AMOT: variants seen among roughly 807,000 people sequenced by gnomAD.
AMOT encodes angiomotin.
In AMOT, 11 loss-of-function variants were observed where a neutral mutation model predicts 67.0. That is an observed-to-expected ratio of 0.16 (90% CI 0.10 to 0.27). AMOT has a LOEUF of 0.27. Among genes scored for constraint, AMOT ranks in the 10% least tolerant of loss-of-function variants. AMOT has a pLI of 1.00. For missense variants in AMOT, 753 were observed against 852.0 expected, an observed-to-expected ratio of 0.88 and a Z score of 1.45; for synonymous variants, 326 against 321.4, an observed-to-expected ratio of 1.01 and a Z score of -0.15.
chrX:112,803,500 C>T (rs1004506868), intron 8 of AMOT, among the ~76,000 whole-genome samples: 4 of 112,208 alleles, frequency 3.6e-5, no homozygotes, highest in African/African-American at 1.3e-4. Flanking sequence ...TTCTGTTGAG[C>T]AACTTAGCAT....
rs917350983 is a variant in AMOT, at chrX:112,813,644, C to A, written c.1392+1714G>T. 3.6e-5 allele frequency among the ~76,000 whole-genome samples: 4 copies of A among 110,853 alleles called. No individual in the cohort carries two copies. The South Asian group carries it at 1.2e-3, about 32-fold the overall frequency. The stretch of plus-strand genomic sequence containing the variant: ...CTGGCTGAACCCACTCCCACACACA[C>A]AAAAAATCACCATGGATCCTCTGGC... On this transcript the variant is annotated intron_variant, in intron 5 of 13. Coordinates refer to ENST00000371959, the MANE Select transcript of AMOT (RefSeq NM_001113490.2).
intron 2 of AMOT, among the ~76,000 whole-genome samples, chrX:112,825,652 G>C (rs1934824211): frequency 9.0e-6 from 1 of 110,698 alleles, no homozygotes; most frequent in Non-Finnish European, 1.9e-5. Flanking sequence ...TCATAAGGTA[G>C]GTTTTTGGTC....
chrX:112,815,347 G>A lies in AMOT; in HGVS notation c.1392+11C>T, dbSNP rs369854618. 5.9e-5 allele frequency: 70 copies of A among 1,195,531 alleles called. No homozygotes were observed. The highest frequency in any genetic ancestry group is 3.4e-4 in the African/African-American group (19 of 56,575). On this transcript the variant is annotated intron_variant, in intron 5 of 13. Transcript: ENST00000371959. ...CTTAGAGACCCTAATATCCCAAAAC[G>A]GAAGCCTCACCTTCTGCAGTCTTGC...
At chrX:112,830,028 T>G (rs1480343959) in intron 2 of AMOT, among the ~76,000 whole-genome samples, 2 of 112,105 alleles carry the variant, frequency 1.8e-5, no homozygotes, top group African/African-American at 3.2e-5. Context: ...TTGACCAATC[T>G]TTAACCGCCA....
intron 8 of AMOT, among the ~76,000 whole-genome samples, chrX:112,800,830 C>T (rs910983507): frequency 8.9e-6 from 1 of 111,974 alleles, no homozygotes; most frequent in Non-Finnish European, 1.9e-5. Context: ...GCACTGGCTA[C>T]TCCAATACGA....
At chrX:112,839,542 C>T (rs1353104507) in intron 1 of AMOT, among the ~76,000 whole-genome samples, 1 of 111,728 alleles carries the variant, frequency 9.0e-6, no homozygotes, top group East Asian at 2.8e-4. Context: ...ACTAAACATC[C>T]CAGGTTGTTG....
rs954875173 is a variant in AMOT at position 112,775,522 on chromosome X, G to C, written c.*3045C>G. ...CAGTGTAACAACAAAAAGAGAACAT[G>C]ATGGGTCTCTGGGTATCTTTCCTAT... On this transcript the variant is annotated 3_prime_UTR_variant, in exon 14 of 14. Transcript: ENST00000371959. 8.0e-5 allele frequency: 9 copies of C among 112,156 alleles called. No individual in the cohort carries two copies. Among genetic ancestry groups the C allele is most frequent in the Non-Finnish European group, 1.7e-4 (9 of 53,174 alleles). 9.2% of individuals were successfully genotyped at this position (112,156 alleles called of 1,213,427 possible).
chrX:112,828,094 C>T (rs1208612833), intron 2 of AMOT, among the ~76,000 whole-genome samples: 2 of 111,241 alleles, frequency 1.8e-5, no homozygotes, highest in Non-Finnish European at 3.8e-5. Flanking sequence ...CTTATGTTCT[C>T]TCAGGTTGGT....
chrX:112,833,079 T>C (rs1257738828), intron 1 of AMOT, among the ~76,000 whole-genome samples: 1 of 111,533 alleles, frequency 9.0e-6, no homozygotes, highest in African/African-American at 3.3e-5. Flanking sequence ...CAGCTAACTT[T>C]CTTATTTGCA....
At chrX:112,796,674 A>T (rs1468380765) in intron 8 of AMOT, among the ~76,000 whole-genome samples, 1 of 111,278 alleles carries the variant, frequency 9.0e-6, no homozygotes, top group Admixed American at 9.6e-5. Flanking sequence ...CCCTAACCCT[A>T]CCCTGACTCC....
At chrX:112,839,743 A>AT (rs1935241979) in intron 1 of AMOT, among the ~76,000 whole-genome samples, 1 of 110,481 alleles carries the variant, frequency 9.1e-6, no homozygotes. Flanking sequence ...CTTTCTCTTC[A>AT]TTTTCACAAA....
Position 112,780,910 on chromosome X carries a change from C to G in AMOT, c.2449G>C (p.Asp817His). The change falls in exon 12 of 14, where the codon GAC (aspartate) becomes CAC (histidine). Residue 817 changes from aspartate (D) to histidine (H), a missense_variant. By Grantham distance (81) the Asp-to-His change is moderately conservative. This residue lies in a region of AMOT where 269 missense variants were observed against 300.9 expected (regional missense o/e 0.89). Transcript: ENST00000371959. ...GSPIMEEKRDDKSWKGSLGIL... is the reference protein window; with the variant it reads ...GSPIMEEKRDHKSWKGSLGIL... Reference sequence around the variant, plus strand: ...CCTAGGCTCCCCTTCCAGCTCTTGTCGTCTCGCTTTTCTTCCATGATGGGG... The same window carrying G: ...CCTAGGCTCCCCTTCCAGCTCTTGTGGTCTCGCTTTTCTTCCATGATGGGG... The G allele has an allele frequency of 8.3e-7, 1 of 1,211,532 alleles. No individual in the cohort carries two copies. The highest frequency in any genetic ancestry group is 1.8e-5 in the South Asian group (1 of 56,983).
At position 112,778,639 on chromosome X, in the gene AMOT, A is replaced by T. The variant is rs374933282; in HGVS notation, c.3183T>A (p.Thr1061=). The change falls in exon 14 of 14, where the codon ACT becomes ACA. Residue 1061 remains threonine, a synonymous_variant. Coordinates refer to ENST00000371959, the MANE Select transcript of AMOT (RefSeq NM_001113490.2). ...TCTGAATGGGAGTTTTTCTTTCCAG[A>T]GTATTGGAGTGGAACACAGGCCCAT... ...KTDGPVFHSN[T]LERKTPIQIL... The T allele has an allele frequency of 1.7e-6, 2 of 1,202,015 alleles. No individual in the cohort carries two copies. The highest frequency in any genetic ancestry group is 3.5e-5 in the African/African-American group (2 of 57,073).
chrX:112,819,652 C>G (rs183732807), intron 4 of AMOT, among the ~76,000 whole-genome samples: 1 of 112,347 alleles, frequency 8.9e-6, no homozygotes, highest in Non-Finnish European at 1.9e-5. Context: ...ATTCAGATAG[C>G]CTTTGCCTTG....
chrX:112,815,254 A>G, intron 5 of AMOT, 104 bp downstream of exon 5: 2 of 1,033,485 alleles, frequency 1.9e-6, no homozygotes, highest in Non-Finnish European at 2.6e-6. Flanking sequence ...AAGACCTGCC[A>G]CAAGTAATGC....
At chrX:112,792,090 T>C in intron 8 of AMOT, 109 bp from the exon 9 acceptor site, 3 of 952,232 alleles carry the variant, frequency 3.2e-6, no homozygotes, top group South Asian at 4.7e-5. Flanking sequence ...CTTCTTGTTT[T>C]AGAGTCCAGC....
chrX:112,807,444 G>C (rs145220813), intron 7 of AMOT, among the ~76,000 whole-genome samples: 2,849 of 110,225 alleles, frequency 0.026, 38 homozygotes, highest in Non-Finnish European at 0.039. Flanking sequence ...AGTTTGAAAA[G>C]ACAGGGCAAG....
chrX:112,831,327 C>G (rs1934978524), intron 2 of AMOT, among the ~76,000 whole-genome samples: 1 of 110,215 alleles, frequency 9.1e-6, no homozygotes, highest in South Asian at 3.8e-4. Flanking sequence ...CTGACCTCAA[C>G]TCTGCTCAAC....
At chrX:112,836,374 G>C (rs1935130668) in intron 1 of AMOT, among the ~76,000 whole-genome samples, 1 of 111,955 alleles carries the variant, frequency 8.9e-6, no homozygotes, top group African/African-American at 3.2e-5. Flanking sequence ...AGTGTTTAGG[G>C]ATTACTTATT....
Sources: gnomAD v4.1 joint callset for allele counts (sites outside exome capture counted in the v4.1 genomes callset) on GRCh38, gnomAD v4.1.1 for gene constraint, gnomAD v4.1.1 regional missense constraint, MANE v1.5 for transcripts, NCBI Gene and HGNC (gene_info 2026-07-23, HGNC 2026-07-21) for gene names.